Variants in GRM7 observed in about 807,000 individuals in gnomAD.
GRM7 encodes the protein metabotropic glutamate receptor 7.
Under a neutral mutation model 84.5 loss-of-function variants are expected in GRM7, and 35 were observed. The observed-to-expected ratio is 0.41, with a 90% CI of 0.32 to 0.55. GRM7 has a LOEUF of 0.55. Ranked by LOEUF, GRM7 falls within the 20% of genes least tolerant of loss-of-function variation. The pLI, the probability that GRM7 is intolerant of heterozygous loss-of-function variation, is 0.19. For synonymous variants in GRM7, 487 were observed against 455.1 expected (o/e 1.07, Z -0.89); for missense variants, 1,003 against 1,194.6 (o/e 0.84, Z 2.36).
At chr3:7,374,065 G>A (rs1694245636) in intron 4 of GRM7, among the ~76,000 whole-genome samples, 1 of 152,016 alleles carries the variant, frequency 6.6e-6, no homozygotes, top group Non-Finnish European at 1.5e-5. Flanking sequence ...TATGATCGCT[G>A]GGATCTTAGC....
At chr3:7,481,417 C>T (rs902226442) in intron 7 of GRM7, among the ~76,000 whole-genome samples, 8 of 152,122 alleles carry the variant, frequency 5.3e-5, no homozygotes, top group Non-Finnish European at 1.0e-4. Flanking sequence ...ATATCAGCCT[C>T]CATAATTCTC....
chr3:7,303,675 T>C (rs1236080796), intron 3 of GRM7, among the ~76,000 whole-genome samples: 1 of 152,112 alleles, frequency 6.6e-6, no homozygotes, highest in South Asian at 2.1e-4. Context: ...TTATCTTTAA[T>C]ATTTTTTCTG....
chr3:7,363,691 AG>A (rs1197113890), intron 4 of GRM7, among the ~76,000 whole-genome samples: 4 of 152,086 alleles, frequency 2.6e-5, no homozygotes, highest in Non-Finnish European at 5.9e-5. Flanking sequence ...ATCCAATATG[AG>A]CACCTTCACC....
chr3:7,704,365 G>A (rs937129765), intron 9 of GRM7, among the ~76,000 whole-genome samples: 2 of 152,076 alleles, frequency 1.3e-5, no homozygotes, highest in Non-Finnish European at 2.9e-5. Flanking sequence ...ACTTTTTGAT[G>A]ATACTCTCTT....
intron 2 of GRM7, among the ~76,000 whole-genome samples, chr3:7,147,864 A>G (rs1694159342): frequency 6.6e-6 from 1 of 152,280 alleles, no homozygotes. Context: ...CTGGGTTAAA[A>G]TGCAACACTC....
chr3:7,310,552 G>GA (rs746895846), intron 4 of GRM7, among the ~76,000 whole-genome samples: 1 of 151,698 alleles, frequency 6.6e-6, no homozygotes, highest in Non-Finnish European at 1.5e-5. Flanking sequence ...GGTGAATGGG[G>GA]AAAAAAAATG....
At chr3:7,045,985 G>T (rs1696792847) in intron 1 of GRM7, among the ~76,000 whole-genome samples, 1 of 151,826 alleles carries the variant, frequency 6.6e-6, no homozygotes, top group South Asian at 2.1e-4. Flanking sequence ...GTACCAATTT[G>T]CATTTTTATC....
Position 7,365,149 on chromosome 3 carries a change from G to A in GRM7, c.1034-49874G>A, listed in dbSNP as rs543398795. Reference sequence around the variant, plus strand: ...GCCAATACTTGATTTGCTGCCAAACGAATTTTTTAAAGATTTATTTTAGAG... The same window carrying A: ...GCCAATACTTGATTTGCTGCCAAACAAATTTTTTAAAGATTTATTTTAGAG... On this transcript the variant is annotated intron_variant, in intron 4 of 9. Transcript: ENST00000357716. Among the ~76,000 whole-genome samples, 187 of 151,736 alleles carry A rather than the reference G, an allele frequency of 1.2e-3. 1 individual carries two copies. The highest frequency in any genetic ancestry group is 4.3e-3 in the African/African-American group (179 of 41,468).
chr3:7,493,946 G>A (rs1559360587), intron 7 of GRM7, among the ~76,000 whole-genome samples: 1 of 151,854 alleles, frequency 6.6e-6, no homozygotes, highest in African/African-American at 2.4e-5. Flanking sequence ...CTTCCATTTA[G>A]GTCCCTTTCT....
At chr3:7,344,625 C>T (rs1278182724) in intron 4 of GRM7, among the ~76,000 whole-genome samples, 2 of 152,132 alleles carry the variant, frequency 1.3e-5, no homozygotes, top group Non-Finnish European at 2.9e-5. Context: ...ATTCGTGCAA[C>T]ATGGAAGAAC....
intron 7 of GRM7, among the ~76,000 whole-genome samples, chr3:7,503,813 A>T (rs1699958307): frequency 6.6e-6 from 1 of 152,172 alleles, no homozygotes; most frequent in Non-Finnish European, 1.5e-5. Context: ...CAGACGAGAT[A>T]TATAAAGATT....
chr3:7,141,925 A>T (rs1264097368), intron 1 of GRM7, among the ~76,000 whole-genome samples: 1 of 152,122 alleles, frequency 6.6e-6, no homozygotes, highest in African/African-American at 2.4e-5. Context: ...AGTCCAAAGT[A>T]ATTTCCATGT....
chr3:7,562,569 A>G (rs563480825), intron 7 of GRM7, among the ~76,000 whole-genome samples: 15 of 152,238 alleles, frequency 9.9e-5, no homozygotes, highest in African/African-American at 3.6e-4. Context: ...CTTCTAGCCC[A>G]AGAACAAAGA....
At chr3:7,226,730 T>C (rs1158834658) in intron 2 of GRM7, among the ~76,000 whole-genome samples, 1 of 152,202 alleles carries the variant, frequency 6.6e-6, no homozygotes, top group Non-Finnish European at 1.5e-5. Flanking sequence ...TCCTTCCCTA[T>C]TCTTTCTCAT....
chr3:7,451,483 T>A (rs1263303439), intron 5 of GRM7, among the ~76,000 whole-genome samples: 1 of 152,128 alleles, frequency 6.6e-6, no homozygotes. Flanking sequence ...GTAAACAGCA[T>A]GAGCAAAGAT....
intron 7 of GRM7, among the ~76,000 whole-genome samples, chr3:7,509,505 G>A (rs1432802278): frequency 6.6e-6 from 1 of 152,142 alleles, no homozygotes; most frequent in Non-Finnish European, 1.5e-5. Context: ...TTGTATGTAT[G>A]TATACATCCT....
chr3:7,322,374 T>C (rs930176849), intron 4 of GRM7, among the ~76,000 whole-genome samples: 18 of 152,108 alleles, frequency 1.2e-4, no homozygotes, highest in Non-Finnish European at 4.4e-5. Context: ...CACCACCTTT[T>C]TGTTTTTTTA....
chr3:7,624,933 C>A (rs1697536720), intron 8 of GRM7, among the ~76,000 whole-genome samples: 2 of 152,136 alleles, frequency 1.3e-5, no homozygotes, highest in South Asian at 4.1e-4. Context: ...TGAGAGTCAT[C>A]TCCAAGAATA....
chr3:6,969,847 C>T (rs781393), intron 1 of GRM7, among the ~76,000 whole-genome samples: 119,286 of 152,128 alleles, frequency 0.78, 46,893 homozygotes, highest in East Asian at 0.99. Context: ...TCGTATGTTC[C>T]CAGAGTACAA....
Sources: gnomAD v4.1 joint callset for allele counts (sites outside exome capture counted in the v4.1 genomes callset) on GRCh38, gnomAD v4.1.1 for gene constraint, MANE v1.5 for transcripts, NCBI Gene and HGNC (gene_info 2026-07-23, HGNC 2026-07-21) for gene names.